The following CDH12 variants were observed in gnomAD, a reference collection of about 807,000 sequenced individuals.
CDH12 encodes the protein cadherin 12.
A neutral mutation model predicts 74.1 loss-of-function variants in CDH12; 41 were observed. The observed-to-expected ratio is 0.55, with a 90% CI of 0.43 to 0.72. The LOEUF is 0.72. CDH12 is among the 30% of genes least tolerant of loss of function. The pLI is 0.00. For missense variants in CDH12, 945 were observed against 977.2 expected (o/e 0.97, Z 0.44); for synonymous variants, 399 against 355.0 (o/e 1.12, Z -1.39).
At chr5:21,761,037 A>G (rs1458310858) in intron 12 of CDH12, among the ~76,000 whole-genome samples, 1 of 152,176 alleles carries the variant, frequency 6.6e-6, no homozygotes, top group Non-Finnish European at 1.5e-5. Context: ...CTTACTGAAA[A>G]CAAAATCTCT....
At chr5:22,657,078 T>C (rs1740080079) in intron 1 of CDH12, among the ~76,000 whole-genome samples, 1 of 152,188 alleles carries the variant, frequency 6.6e-6, no homozygotes, top group South Asian at 2.1e-4. Flanking sequence ...GATGCATTAC[T>C]ACCTAGGGTT....
At chr5:22,821,911 C>A (rs1315276073) in intron 1 of CDH12, among the ~76,000 whole-genome samples, 2 of 151,520 alleles carry the variant, frequency 1.3e-5, no homozygotes, top group African/African-American at 2.4e-5. Context: ...CAAAAAAGAG[C>A]CTGCATTGCC....
intron 6 of CDH12, among the ~76,000 whole-genome samples, chr5:21,967,232 T>C (rs1313598891): frequency 6.6e-6 from 1 of 152,198 alleles, no homozygotes; most frequent in African/African-American, 2.4e-5. Flanking sequence ...GCAACTGCTC[T>C]CCCATGATCA....
intron 6 of CDH12, among the ~76,000 whole-genome samples, chr5:21,922,960 C>CTATATCTA (rs1250428173): frequency 6.6e-6 from 1 of 151,634 alleles, no homozygotes; most frequent in African/African-American, 2.4e-5. Context: ...ATATCTATAT[C>CTATATCTA]TATATCTATA....
intron 5 of CDH12, among the ~76,000 whole-genome samples, chr5:22,068,254 C>A (rs1741698232): frequency 6.6e-6 from 1 of 152,258 alleles, no homozygotes; most frequent in East Asian, 1.9e-4. Context: ...CAAATGCCCC[C>A]ATTCCTGCCA....
intron 3 of CDH12, among the ~76,000 whole-genome samples, chr5:22,250,710 G>A (rs1320219965): frequency 6.6e-6 from 1 of 152,194 alleles, no homozygotes; most frequent in African/African-American, 2.4e-5. Context: ...GATGGTAAAT[G>A]TATCACGTGG....
At chr5:21,760,817 C>A in intron 12 of CDH12, 142 bp from the exon 13 acceptor site, 1 of 651,880 alleles carries the variant, frequency 1.5e-6, no homozygotes, top group Non-Finnish European at 2.7e-6. Context: ...ATTATTTACA[C>A]ATAATGTTTA....
At chr5:21,828,985 T>C (rs1748851095) in intron 8 of CDH12, among the ~76,000 whole-genome samples, 1 of 149,094 alleles carries the variant, frequency 6.7e-6, no homozygotes, top group African/African-American at 2.5e-5. Context: ...GTAGTGTAAA[T>C]GTGCATTAAC....
At chr5:22,685,722 C>T (rs1054722170) in intron 1 of CDH12, among the ~76,000 whole-genome samples, 6 of 152,176 alleles carry the variant, frequency 3.9e-5, no homozygotes, top group African/African-American at 1.4e-4. Context: ...TCGTAACATG[C>T]ATCATTCTTT....
At chr5:21,927,517 G>A (rs1754641385) in intron 6 of CDH12, among the ~76,000 whole-genome samples, 1 of 152,078 alleles carries the variant, frequency 6.6e-6, no homozygotes, top group African/African-American at 2.4e-5. Flanking sequence ...CTTGAACCCG[G>A]GAGGCGGAAG....
chr5:22,569,519 A>G (rs1739443472), intron 1 of CDH12, among the ~76,000 whole-genome samples: 1 of 152,164 alleles, frequency 6.6e-6, no homozygotes, highest in African/African-American at 2.4e-5. Context: ...GTATTTCTTT[A>G]TAGCAACACA....
chr5:22,597,999 A>G (rs531680360), intron 1 of CDH12, among the ~76,000 whole-genome samples: 118 of 152,320 alleles, frequency 7.7e-4, no homozygotes, highest in African/African-American at 2.8e-3. Context: ...ATTCTGAAGA[A>G]CTGTCTCTAC....
At chr5:21,883,446 C>G (rs547674200) in intron 6 of CDH12, 160 of 1,605,222 alleles carry the variant, frequency 1.0e-4, no homozygotes, top group Non-Finnish European at 1.3e-4. Context: ...TCTAAGTACA[C>G]TCATCTTGAA....
intron 4 of CDH12, among the ~76,000 whole-genome samples, chr5:22,129,030 A>T (rs1746034019): frequency 6.6e-6 from 1 of 152,248 alleles, no homozygotes; most frequent in Non-Finnish European, 1.5e-5. Flanking sequence ...CTAAGTGACA[A>T]GTGACAAAAA....
At chr5:21,901,605 C>T (rs908558035) in intron 6 of CDH12, among the ~76,000 whole-genome samples, 15 of 152,096 alleles carry the variant, frequency 9.9e-5, no homozygotes, top group African/African-American at 2.7e-4. Flanking sequence ...ATTCCTGATT[C>T]GCCCATCACA....
intron 3 of CDH12, among the ~76,000 whole-genome samples, chr5:22,359,433 G>C (rs1264542465): frequency 6.6e-6 from 1 of 152,038 alleles, no homozygotes; most frequent in African/African-American, 2.4e-5. Context: ...CAAAAAGCAA[G>C]TCCTTAGAGA....
intron 4 of CDH12, among the ~76,000 whole-genome samples, chr5:22,099,349 G>A (rs958926886): frequency 3.3e-5 from 5 of 152,162 alleles, no homozygotes; most frequent in African/African-American, 1.2e-4. Flanking sequence ...AGGAAAGGCA[G>A]AACGGACTAA....
intron 3 of CDH12, among the ~76,000 whole-genome samples, chr5:22,246,471 C>A (rs1455840009): frequency 1.3e-5 from 2 of 152,082 alleles, no homozygotes; most frequent in Admixed American, 6.5e-5. Context: ...ATTCTACTGA[C>A]TTAAGTTTCA....
intron 10 of CDH12, among the ~76,000 whole-genome samples, chr5:21,798,943 G>T (rs552790502): frequency 2.6e-5 from 4 of 152,290 alleles, no homozygotes; most frequent in African/African-American, 9.6e-5. Flanking sequence ...CTGAAACTGA[G>T]TAAGGGGTAC....
Sources: allele counts gnomAD v4.1 joint callset (sites outside exome capture counted in the v4.1 genomes callset), GRCh38; gene constraint gnomAD v4.1.1; transcripts MANE v1.5; gene names NCBI Gene and HGNC (gene_info 2026-07-23, HGNC 2026-07-21).